CLRN3: variants seen among roughly 807,000 people sequenced by gnomAD.
The protein encoded by CLRN3 is clarin 3.
CLRN3 carries 12 observed loss-of-function variants against 16.7 expected under a neutral mutation model. The ratio of observed to expected loss-of-function variants is 0.72; its 90% CI spans 0.46 to 1.16. The LOEUF is 1.16. Among genes scored for constraint, CLRN3 ranks in the 50% most tolerant of loss-of-function variants. The pLI is 0.00. For synonymous variants in CLRN3, 118 were observed against 113.0 expected (o/e 1.04, Z -0.28); for missense variants, 296 against 274.2 (o/e 1.08, Z -0.56).
intron 2 of CLRN3, 91 bp from the exon 3 acceptor site, chr10:127,878,511 T>C (rs983773103): frequency 1.3e-6 from 2 of 1,520,968 alleles, no homozygotes; most frequent in Non-Finnish European, 1.8e-6. Flanking sequence ...GGGAATGTAT[T>C]GCATATCTAC....
intron 1 of CLRN3, among the ~76,000 whole-genome samples, chr10:127,887,992 C>T (rs931813724): frequency 2.6e-5 from 4 of 152,182 alleles, no homozygotes; most frequent in Non-Finnish European, 4.4e-5. Flanking sequence ...ATAATGGGCG[C>T]CCATGAGAGC....
intron 1 of CLRN3, among the ~76,000 whole-genome samples, chr10:127,884,857 T>C (rs1206073091): frequency 6.6e-6 from 1 of 152,174 alleles, no homozygotes; most frequent in East Asian, 1.9e-4. Flanking sequence ...TGTGAGGCCC[T>C]GTGGAGGAGG....
At chr10:127,881,769 C>T (rs1230348524) in intron 2 of CLRN3, among the ~76,000 whole-genome samples, 1 of 152,180 alleles carries the variant, frequency 6.6e-6, no homozygotes, top group Non-Finnish European at 1.5e-5. Flanking sequence ...GGGGCTGCCA[C>T]CATCAGCAAT....
At chr10:127,879,058 AT>A (rs1461738004) in intron 2 of CLRN3, among the ~76,000 whole-genome samples, 1 of 152,182 alleles carries the variant, frequency 6.6e-6, no homozygotes, top group Non-Finnish European at 1.5e-5. Flanking sequence ...AACTTATTGC[AT>A]GTTTATGTCT....
intron 1 of CLRN3, among the ~76,000 whole-genome samples, chr10:127,885,466 C>G (rs1385456112): frequency 6.6e-6 from 1 of 152,224 alleles, no homozygotes; most frequent in Admixed American, 6.5e-5. Flanking sequence ...TAAATCCCAA[C>G]ATGATTAACA....
chr10:127,889,163 C>T (rs1355186023), intron 1 of CLRN3, among the ~76,000 whole-genome samples: 3 of 152,016 alleles, frequency 2.0e-5, no homozygotes, highest in African/African-American at 4.8e-5. Context: ...CTCTACAAAA[C>T]GTAAGAAAAG....
chr10:127,887,353 C>G (rs1249184646), intron 1 of CLRN3, among the ~76,000 whole-genome samples: 1 of 152,140 alleles, frequency 6.6e-6, no homozygotes, highest in African/African-American at 2.4e-5. Context: ...AAAAAAGGAG[C>G]TGTGTCCAAG....
intron 2 of CLRN3, among the ~76,000 whole-genome samples, chr10:127,880,206 AT>A (rs1240490398): frequency 6.6e-6 from 1 of 152,202 alleles, no homozygotes; most frequent in Non-Finnish European, 1.5e-5. Flanking sequence ...GAAGTTTCTT[AT>A]AAAAGCTTAA....
rs1347966403 is a variant in CLRN3, at chr10:127,878,275, C to G, written c.555G>C (p.Leu185=). The part of the protein sequence containing the change: ...HSYGYSFWLI[L]LVILLNIVTV... ...TGACTATATTTAGAAGAATGACGAGCAGTATGAGCCAGAACGAGTATCCGT... is the reference window on the plus strand; with the variant it reads ...TGACTATATTTAGAAGAATGACGAGGAGTATGAGCCAGAACGAGTATCCGT... The change falls in exon 3 of 3, where the codon CTG becomes CTC. Residue 185 remains leucine (L), a synonymous_variant. Coordinates refer to ENST00000368671, the MANE Select transcript of CLRN3 (RefSeq NM_152311.5). 1.2e-6 allele frequency: 2 copies of G among 1,614,114 alleles called. No individual in the cohort carries two copies. The highest frequency in any genetic ancestry group is 4.5e-5 in the East Asian group (2 of 44,880).
intron 1 of CLRN3, among the ~76,000 whole-genome samples, chr10:127,884,653 A>G (rs1206136016): frequency 6.6e-6 from 1 of 152,228 alleles, no homozygotes; most frequent in African/African-American, 2.4e-5. Flanking sequence ...AGCTCCAGGC[A>G]TGGAAGGACA....
chr10:127,879,476 G>C (rs1183890921), intron 2 of CLRN3, among the ~76,000 whole-genome samples: 6 of 152,056 alleles, frequency 3.9e-5, no homozygotes, highest in Admixed American at 3.9e-4. Flanking sequence ...GAGAGAACAG[G>C]ATTGGAAATC....
chr10:127,878,434 G>A lies in CLRN3; in HGVS notation c.410-14C>T, dbSNP rs1164078171. 6.2e-7 allele frequency: 1 copy of A among 1,612,536 alleles called. No individual in the cohort carries two copies. Among genetic ancestry groups the A allele is most frequent in the African/African-American group, 1.3e-5 (1 of 75,030 alleles). On this transcript the variant is annotated splice_polypyrimidine_tract_variant and intron_variant, in intron 2 of 2. Transcript: ENST00000368671. ...AAACGAAGGATGCTGAAAGGAAGAT[G>A]GAGTTTCATGCATGGCATGGTGATA...
chr10:127,885,818 C>T lies in CLRN3; in HGVS notation c.230-1943G>A, dbSNP rs4750923. 5.3e-4 allele frequency among the ~76,000 whole-genome samples: 80 copies of T among 151,746 alleles called. 1 individual carries two copies. Among genetic ancestry groups the T allele is most frequent in the African/African-American group, 1.1e-3 (47 of 41,300 alleles). On this transcript the variant is annotated intron_variant, in intron 1 of 2. Coordinates refer to ENST00000368671, the MANE Select transcript of CLRN3 (RefSeq NM_152311.5). ...TTGCCCAGGCTGGAGCGCAATGGTGCGATCTCGGCTCACCCCAACCTCCGC... is the reference window on the plus strand; with the variant it reads ...TTGCCCAGGCTGGAGCGCAATGGTGTGATCTCGGCTCACCCCAACCTCCGC...
At chr10:127,882,402 C>G (rs1431314888) in intron 2 of CLRN3, among the ~76,000 whole-genome samples, 3 of 152,244 alleles carry the variant, frequency 2.0e-5, no homozygotes, top group Non-Finnish European at 4.4e-5. Flanking sequence ...AAAAGCATCC[C>G]TCACCGTCCT....
chr10:127,878,021 T>G lies in CLRN3; in HGVS notation c.*128A>C. The G allele has an allele frequency of 8.4e-7, 1 of 1,183,720 alleles. No homozygotes were observed. The allele number at this position is 1,183,720 out of a possible 1,614,324, so 73.3% of individuals were successfully genotyped here. A position where few individuals can be genotyped will look rare whatever the true frequency, so the allele number is the denominator to read the frequency against. On this transcript the variant is annotated 3_prime_UTR_variant, in exon 3 of 3. Transcript: ENST00000368671. Reference sequence around the variant, plus strand: ...TACAGCATCAATGAAGAACACAGTGTCATGAAACACAAATGCTGTCACAGA... The same window carrying G: ...TACAGCATCAATGAAGAACACAGTGGCATGAAACACAAATGCTGTCACAGA...
At chr10:127,879,478 T>C (rs1845100391) in intron 2 of CLRN3, among the ~76,000 whole-genome samples, 1 of 152,074 alleles carries the variant, frequency 6.6e-6, no homozygotes, top group Non-Finnish European at 1.5e-5. Flanking sequence ...GAGAACAGGA[T>C]TGGAAATCCC....
chr10:127,887,423 G>T (rs1845209254), intron 1 of CLRN3, among the ~76,000 whole-genome samples: 1 of 151,476 alleles, frequency 6.6e-6, no homozygotes, highest in African/African-American at 2.4e-5. Flanking sequence ...GCTGTTTTTG[G>T]GTATTCACTG....
At chr10:127,880,787 G>A (rs1472082982) in intron 2 of CLRN3, among the ~76,000 whole-genome samples, 4 of 152,132 alleles carry the variant, frequency 2.6e-5, no homozygotes, top group African/African-American at 9.7e-5. Flanking sequence ...AACATCTGCT[G>A]GCCAAGCAGA....
chr10:127,887,811 C>T (rs1845213183), intron 1 of CLRN3, among the ~76,000 whole-genome samples: 1 of 152,196 alleles, frequency 6.6e-6, no homozygotes, highest in Admixed American at 6.5e-5. Context: ...TTAGCAAACA[C>T]ATTCCGTTCT....
Sources: gnomAD v4.1 joint callset for allele counts (sites outside exome capture counted in the v4.1 genomes callset) on GRCh38, gnomAD v4.1.1 for gene constraint, MANE v1.5 for transcripts, NCBI Gene and HGNC (gene_info 2026-07-23, HGNC 2026-07-21) for gene names.